LSM8: variants seen among roughly 807,000 people sequenced by gnomAD.
LSM8 encodes LSM8 U6 small nuclear RNA associated.
Under a neutral mutation model 15.0 loss-of-function variants are expected in LSM8, and 14 were observed. That is an observed-to-expected ratio of 0.93 (90% CI 0.62 to 1.46). The LOEUF (loss-of-function observed/expected upper bound fraction) is 1.46, where lower values mean the gene tolerates loss of function less well. Ranked by LOEUF, LSM8 falls within the 40% of genes most tolerant of loss-of-function variation. The pLI is 0.00. For synonymous variants in LSM8, 50 were observed against 42.1 expected, an observed-to-expected ratio of 1.19 and a Z score of -0.73; for missense variants, 90 against 115.4, an observed-to-expected ratio of 0.78 and a Z score of 1.01.
chr7:118,184,412 C>G (rs1326035586), intron 1 of LSM8, 158 bp downstream of exon 1: 6 of 816,984 alleles, frequency 7.3e-6, no homozygotes, highest in Non-Finnish European at 1.0e-5. Context: ...GGCGGCGCCT[C>G]GAGCCTTCCC....
Position 118,196,431 on chromosome 7 carries a change from A to G in LSM8, c.*4429A>G, listed in dbSNP as rs1809078070. On this transcript the variant is annotated 3_prime_UTR_variant, in exon 4 of 4. Transcript: ENST00000249299. The stretch of plus-strand genomic sequence containing the variant: ...CTATTTTTTTTCTTTTAAGATTGCT[A>G]AGTCTGTAGGTTGCATAATTCTAAG... Among the ~76,000 whole-genome samples the G allele has an allele frequency of 6.6e-6, 1 of 152,070 alleles. No individual in the cohort carries two copies. Among genetic ancestry groups the G allele is most frequent in the South Asian group, 2.1e-4 (1 of 4,836 alleles).
rs990099505 is a variant in LSM8 at position 118,196,950 on chromosome 7, A to T, written c.*4948A>T. Among the ~76,000 whole-genome samples, 2 of 151,590 alleles carry T rather than the reference A, an allele frequency of 1.3e-5. No individual in the cohort carries two copies. Among genetic ancestry groups the T allele is most frequent in the Admixed American group, 1.3e-4 (2 of 15,214 alleles). ...CACCATGTTGGCCAGGATGGTCTTG[A>T]TCTCCTGACCTCGTGATCTGCCCAC... is the stretch of plus-strand genomic sequence containing the variant. On this transcript the variant is annotated 3_prime_UTR_variant, in exon 4 of 4. Transcript: ENST00000249299.
rs1415125274 is a variant in LSM8 at position 118,185,659 on chromosome 7, G to A, written c.37G>A (p.Val13Ile). Residue 13 changes from valine (V) to isoleucine (I), a missense_variant, in exon 2 of 4, where the codon GTT (valine) becomes ATT (isoleucine). Physicochemically the swap from Val to Ile is conservative, Grantham distance 29. Transcript: ENST00000249299. ...TTCTTTGATTCAGTTATCAGGAACT[G>A]TTGCCGTTATTACATCAGATGGGAG... ...SALENYINRT[V>I]AVITSDGRMI... 1.9e-6 allele frequency: 3 copies of A among 1,610,090 alleles called. No individual in the cohort carries two copies. Among genetic ancestry groups the A allele is most frequent in the African/African-American group, 1.3e-5 (1 of 74,858 alleles).
chr7:118,188,132 T>A, intron 2 of LSM8, 146 bp from the exon 3 acceptor site: 1 of 826,560 alleles, frequency 1.2e-6, no homozygotes, highest in East Asian at 2.7e-5. Context: ...CCTCGAATAC[T>A]GTTGGTTATA....
intron 1 of LSM8, 35 bp downstream of exon 1, chr7:118,184,289 G>T (rs1239337360): frequency 3.4e-6 from 5 of 1,461,980 alleles, no homozygotes; most frequent in South Asian, 1.3e-5. Context: ...GCGTGAGCCG[G>T]GGTCGCGGAG....
chr7:118,187,723 T>G (rs1584705781), intron 2 of LSM8, among the ~76,000 whole-genome samples: 1 of 152,220 alleles, frequency 6.6e-6, no homozygotes, highest in East Asian at 1.9e-4. Flanking sequence ...CATGTGATCA[T>G]AAGACACACC....
intron 3 of LSM8, chr7:118,189,548 C>CA (rs1338147548): frequency 6.7e-6 from 1 of 150,312 alleles, no homozygotes; most frequent in East Asian, 2.0e-4. Flanking sequence ...AACTCCGTGT[C>CA]AAAAAATAAA....
chr7:118,188,872 ATAAG>A (rs1017944923), intron 3 of LSM8: 1 of 152,548 alleles, frequency 6.6e-6, no homozygotes, highest in African/African-American at 2.4e-5. Flanking sequence ...GTATTTATAA[ATAAG>A]TACTTACTCG....
chr7:118,197,018 C>T lies in LSM8; in HGVS notation c.*5016C>T, dbSNP rs185318379. ...CTGGAATTACAGGCATGAACCACCA[C>T]GCCCAGCCTAAGTCCTTTTATTTTA... On this transcript the variant is annotated 3_prime_UTR_variant, in exon 4 of 4. Coordinates refer to ENST00000249299, the MANE Select transcript of LSM8 (RefSeq NM_016200.5). 2.6e-3 allele frequency among the ~76,000 whole-genome samples: 393 copies of T among 152,090 alleles called. 2 individuals are homozygous for T. The highest frequency in any genetic ancestry group is 9.0e-3 in the African/African-American group (372 of 41,496).
Position 118,192,220 on chromosome 7 carries a change from T to C in LSM8, c.*218T>C. On this transcript the variant is annotated 3_prime_UTR_variant, in exon 4 of 4. Coordinates refer to ENST00000249299, the MANE Select transcript of LSM8 (RefSeq NM_016200.5). ...AGCTTGGTTTCTTTTTTTTATTAAA[T>C]AGTGTGAAAATATAATGGGCATTTT... is the stretch of plus-strand genomic sequence containing the variant. The C allele has an allele frequency of 2.7e-6, 1 of 368,292 alleles. No homozygotes were observed. Among genetic ancestry groups the C allele is most frequent in the South Asian group, 5.7e-5 (1 of 17,582 alleles). The allele number at this position is 368,292 out of a possible 1,614,324, so 22.8% of individuals were successfully genotyped here. A position where few individuals can be genotyped will look rare whatever the true frequency, so the allele number is the denominator to read the frequency against.
rs1052316643 is a variant in LSM8 at position 118,195,256 on chromosome 7, A to T, written c.*3254A>T. Among the ~76,000 whole-genome samples the T allele has an allele frequency of 2.6e-5, 4 of 152,172 alleles. No homozygotes were observed. Among genetic ancestry groups the T allele is most frequent in the Admixed American group, 2.6e-4 (4 of 15,274 alleles). The stretch of plus-strand genomic sequence containing the variant: ...AAAGACCTAGCACTTACCTGCTGGG[A>T]TGAGTCTCTAACCCCACAGAATTGA... On this transcript the variant is annotated 3_prime_UTR_variant, in exon 4 of 4. Transcript: ENST00000249299.
At chr7:118,190,623 T>C (rs959120955) in intron 3 of LSM8, 1 of 152,154 alleles carries the variant, frequency 6.6e-6, no homozygotes, top group Non-Finnish European at 1.5e-5. Flanking sequence ...CTGCTTACCA[T>C]AGGGATTTTA....
Position 118,192,011 on chromosome 7 carries a change from T to G in LSM8, c.*9T>G, listed in dbSNP as rs1177384887. On this transcript the variant is annotated 3_prime_UTR_variant, in exon 4 of 4. Transcript: ENST00000249299. ...ATTCTGTAGCACACTGAGGAAAAAC[T>G]ACATACTTGGACATCTGTAAATCTT... The G allele has an allele frequency of 6.3e-7, 1 of 1,580,754 alleles. No individual in the cohort carries two copies. Among genetic ancestry groups the G allele is most frequent in the Non-Finnish European group, 8.7e-7 (1 of 1,151,638 alleles).
chr7:118,188,603 G>T, intron 3 of LSM8, 198 bp downstream of exon 3: 1 of 415,512 alleles, frequency 2.4e-6, no homozygotes, highest in Non-Finnish European at 4.1e-6. Context: ...ACTTCTTTAG[G>T]TTTCAACCAA....
chr7:118,185,663 C>A lies in LSM8; in HGVS notation c.41C>A (p.Ala14Asp). 5 of 1,610,356 alleles carry A rather than the reference C, an allele frequency of 3.1e-6. No individual in the cohort carries two copies. Among genetic ancestry groups the A allele is most frequent in the Non-Finnish European group, 4.2e-6 (5 of 1,176,900 alleles). Reference protein sequence around the residue: ...ALENYINRTVAVITSDGRMIV... With the variant: ...ALENYINRTVDVITSDGRMIV... ...TTGATTCAGTTATCAGGAACTGTTG[C>A]CGTTATTACATCAGATGGGAGAATG... The change falls in exon 2 of 4, where the codon GCC (alanine) becomes GAC (aspartate). Residue 14 changes from alanine (A) to aspartate (D), a missense_variant. Transcript: ENST00000249299.
rs1445988296 is a variant in LSM8 at position 118,195,955 on chromosome 7, T to C, written c.*3953T>C. Among the ~76,000 whole-genome samples the C allele has an allele frequency of 6.6e-6, 1 of 152,204 alleles. No individual in the cohort carries two copies. The highest frequency in any genetic ancestry group is 1.5e-5 in the Non-Finnish European group (1 of 68,026). On this transcript the variant is annotated 3_prime_UTR_variant, in exon 4 of 4. Transcript: ENST00000249299. ...TCTAGTACTTATGCTCCATCCTGTT[T>C]ATAGGGATTATTGATGTGAGATTTG...
At chr7:118,184,757 T>C (rs949483003) in intron 1 of LSM8, 1 of 152,536 alleles carries the variant, frequency 6.6e-6, no homozygotes, top group South Asian at 2.0e-4. Flanking sequence ...GTTGCTGTTG[T>C]AATGGATTAT....
intron 1 of LSM8, chr7:118,184,812 T>C (rs1808857510): frequency 6.6e-6 from 1 of 152,244 alleles, no homozygotes; most frequent in Admixed American, 6.5e-5. Context: ...TAAAATAGAC[T>C]TTACAAGTGT....
intron 2 of LSM8, among the ~76,000 whole-genome samples, chr7:118,186,611 T>C (rs1437669578): frequency 2.0e-5 from 3 of 152,200 alleles, no homozygotes; most frequent in African/African-American, 7.2e-5. Flanking sequence ...TAAAAACTTA[T>C]GAAGAATAAG....
Sources: gnomAD v4.1 joint callset for allele counts (sites outside exome capture counted in the v4.1 genomes callset) on GRCh38, gnomAD v4.1.1 for gene constraint, MANE v1.5 for transcripts, NCBI Gene and HGNC (gene_info 2026-07-23, HGNC 2026-07-21) for gene names.